Variants in HNF4G observed in about 807,000 individuals in gnomAD.
HNF4G encodes the protein hepatocyte nuclear factor 4 gamma.
Under a neutral mutation model 50.9 loss-of-function variants are expected in HNF4G, and 21 were observed. The ratio of observed to expected loss-of-function variants is 0.41; its 90% CI spans 0.29 to 0.59. The LOEUF (loss-of-function observed/expected upper bound fraction) is 0.59, where lower values mean the gene tolerates loss of function less well. HNF4G is among the 20% of genes least tolerant of loss of function. The pLI, the probability that HNF4G is intolerant of heterozygous loss-of-function variation, is 0.26. For missense variants in HNF4G, 527 were observed against 559.4 expected (o/e 0.94, Z 0.58); for synonymous variants, 198 against 185.6 (o/e 1.07, Z -0.54).
chr8:75,559,345 C>G (rs1483040993), intron 8 of HNF4G, among the ~76,000 whole-genome samples: 2 of 151,626 alleles, frequency 1.3e-5, no homozygotes. Context: ...ACAATCTCGG[C>G]TCACTGCAAC....
At chr8:75,492,542 G>A (rs1260248656) in intron 2 of HNF4G, among the ~76,000 whole-genome samples, 3 of 152,058 alleles carry the variant, frequency 2.0e-5, no homozygotes, top group South Asian at 2.1e-4. Context: ...CAATAATGAT[G>A]GCCTTCACCA....
chr8:75,491,277 A>G (rs1269271659), intron 2 of HNF4G, among the ~76,000 whole-genome samples: 1 of 152,206 alleles, frequency 6.6e-6, no homozygotes, highest in African/African-American at 2.4e-5. Flanking sequence ...TGTTACTGAT[A>G]CAAAATTTTT....
intron 1 of HNF4G, among the ~76,000 whole-genome samples, chr8:75,408,720 T>A (rs191670380): frequency 1.5e-3 from 232 of 152,326 alleles, no homozygotes; most frequent in South Asian, 4.1e-3. Flanking sequence ...TACCTGATGA[T>A]CTGTGCTTAT....
intron 9 of HNF4G, 46 bp downstream of exon 9, chr8:75,560,512 C>T (rs1389956914): frequency 1.3e-6 from 2 of 1,560,664 alleles, no homozygotes; most frequent in East Asian, 2.3e-5. Flanking sequence ...CTTAATTACC[C>T]AAGAAAAAGT....
intron 4 of HNF4G, among the ~76,000 whole-genome samples, chr8:75,552,748 T>C (rs768956064): frequency 7.9e-5 from 12 of 152,124 alleles, no homozygotes; most frequent in Non-Finnish European, 1.6e-4. Context: ...TCCTCAAAAG[T>C]TGGGGTAAAA....
chr8:75,546,282 G>T (rs1425748750), intron 2 of HNF4G, among the ~76,000 whole-genome samples: 1 of 152,014 alleles, frequency 6.6e-6, no homozygotes, highest in Non-Finnish European at 1.5e-5. Flanking sequence ...TTTTACAATT[G>T]TAAATTAATG....
intron 1 of HNF4G, among the ~76,000 whole-genome samples, chr8:75,430,764 C>G (rs1810998021): frequency 6.6e-6 from 1 of 152,008 alleles, no homozygotes; most frequent in South Asian, 2.1e-4. Context: ...AAATAAAGGT[C>G]CCACATAACT....
At chr8:75,411,710 C>A (rs573130848) in intron 1 of HNF4G, among the ~76,000 whole-genome samples, 1 of 152,196 alleles carries the variant, frequency 6.6e-6, no homozygotes, top group African/African-American at 2.4e-5. Flanking sequence ...TGGGAAGCTG[C>A]GTGGTGTATA....
At chr8:75,523,648 A>G (rs887137633) in intron 2 of HNF4G, among the ~76,000 whole-genome samples, 4 of 152,114 alleles carry the variant, frequency 2.6e-5, no homozygotes, top group Admixed American at 1.3e-4. Flanking sequence ...TCCAGGTATG[A>G]CTAGTGAAAA....
intron 4 of HNF4G, 55 bp from the exon 5 acceptor site, chr8:75,552,987 G>GA (rs1442072742): frequency 2.3e-6 from 3 of 1,290,812 alleles, no homozygotes; most frequent in African/African-American, 3.0e-5. Context: ...AAAAAAAGGG[G>GA]AATGTTGGCC....
At chr8:75,553,283 A>G (rs370492224) in intron 5 of HNF4G, 86 bp downstream of exon 5, 1 of 1,140,668 alleles carries the variant, frequency 8.8e-7, no homozygotes, top group Non-Finnish European at 1.3e-6. Flanking sequence ...TTTGTAATGC[A>G]TATTCTATAT....
intron 2 of HNF4G, among the ~76,000 whole-genome samples, chr8:75,531,237 G>A (rs1291349394): frequency 6.6e-6 from 1 of 152,044 alleles, no homozygotes; most frequent in Non-Finnish European, 1.5e-5. Context: ...TGTAATAGAA[G>A]AATTCTCTCT....
intron 2 of HNF4G, among the ~76,000 whole-genome samples, chr8:75,525,239 G>A (rs565017201): frequency 6.6e-6 from 1 of 152,178 alleles, no homozygotes; most frequent in South Asian, 2.1e-4. Context: ...GTGTGATCTT[G>A]GCTTACTGCA....
At chr8:75,503,406 C>T (rs1332517862) in intron 2 of HNF4G, among the ~76,000 whole-genome samples, 1 of 152,102 alleles carries the variant, frequency 6.6e-6, no homozygotes, top group Non-Finnish European at 1.5e-5. Flanking sequence ...ATTTTTATTA[C>T]TAATAGTAAG....
upstream of HNF4G, chr8:75,539,754 T>C: frequency 2.3e-6 from 1 of 438,590 alleles, no homozygotes; most frequent in Non-Finnish European, 4.1e-6. Context: ...TCACAAGGAA[T>C]TGCTTTCATA....
chr8:75,498,542 CTTA>C (rs1472945430), intron 2 of HNF4G, among the ~76,000 whole-genome samples: 10 of 152,086 alleles, frequency 6.6e-5, no homozygotes, highest in African/African-American at 1.2e-4. Context: ...GGAAACACAA[CTTA>C]TTATATGAGG....
At chr8:75,493,242 G>T (rs1812677910) in intron 2 of HNF4G, among the ~76,000 whole-genome samples, 1 of 152,056 alleles carries the variant, frequency 6.6e-6, no homozygotes, top group African/African-American at 2.4e-5. Context: ...TATATATCTG[G>T]AGGGAAAGGA....
chr8:75,423,292 G>T (rs1810813688), intron 1 of HNF4G, among the ~76,000 whole-genome samples: 1 of 143,202 alleles, frequency 7.0e-6, no homozygotes, highest in African/African-American at 2.6e-5. Flanking sequence ...TTTTACATTA[G>T]TTAGCTCTCA....
At chr8:75,511,774 T>A (rs191880887) in intron 2 of HNF4G, among the ~76,000 whole-genome samples, 1 of 152,258 alleles carries the variant, frequency 6.6e-6, no homozygotes, top group East Asian at 1.9e-4. Context: ...GTGTTTTTAG[T>A]AGAGACGGGG....
Sources: allele counts gnomAD v4.1 joint callset (sites outside exome capture counted in the v4.1 genomes callset), GRCh38; gene constraint gnomAD v4.1.1; transcripts MANE v1.5; gene names NCBI Gene and HGNC (gene_info 2026-07-23, HGNC 2026-07-21).